LRRK1: variants seen among roughly 807,000 people sequenced by gnomAD.
LRRK1 encodes leucine rich repeat kinase 1.
LRRK1 carries 113 observed loss-of-function variants against 209.1 expected under a neutral mutation model. The ratio of observed to expected loss-of-function variants is 0.54; its 90% confidence interval spans 0.46 to 0.63. The LOEUF (loss-of-function observed/expected upper bound fraction) is 0.63. LRRK1 is among the 30% of genes least tolerant of loss of function. The pLI, the probability that LRRK1 is intolerant of heterozygous loss-of-function variation, is 0.00. For synonymous variants in LRRK1, 1,144 were observed against 1,099.7 expected, an observed-to-expected ratio of 1.04 and a Z score of -0.80; for missense variants, 2,284 against 2,632.2, an observed-to-expected ratio of 0.87 and a Z score of 2.89.
At chr15:100,995,627 T>C (rs2032370860) in intron 6 of LRRK1, among the ~76,000 whole-genome samples, 1 of 152,106 alleles carries the variant, frequency 6.6e-6, no homozygotes, top group Non-Finnish European at 1.5e-5. Context: ...CCATGAGAAA[T>C]AGCTTAATGC....
chr15:101,059,890 A>G, intron 29 of LRRK1, among the ~76,000 whole-genome samples: 1 of 152,168 alleles, frequency 6.6e-6, no homozygotes, highest in African/African-American at 2.4e-5. Flanking sequence ...AGAAGCAAGG[A>G]CATCGTCAGA....
Position 100,953,667 on chromosome 15 carries a change from A to C in LRRK1, c.98-20137A>C, listed in dbSNP as rs576412931. 4.6e-5 allele frequency among the ~76,000 whole-genome samples: 7 copies of C among 152,272 alleles called. No individual in the cohort carries two copies. The South Asian group carries it at 1.5e-3, about 32-fold the overall frequency. ...ATGGGGTTACAGATATCTCTTCGAG[A>C]TACTGATTTCCTTTCCTTTGGGTAA... On this transcript the variant is annotated intron_variant, in intron 2 of 33. Coordinates refer to ENST00000388948, the MANE Select transcript of LRRK1 (RefSeq NM_024652.6).
intron 12 of LRRK1, 37 bp downstream of exon 12, chr15:101,015,439 A>G: frequency 1.3e-6 from 2 of 1,527,238 alleles, no homozygotes; most frequent in Non-Finnish European, 1.8e-6. Context: ...CCCAGATGAG[A>G]CAGCCGGGGT....
chr15:101,003,487 G>A (rs986377422), intron 6 of LRRK1, among the ~76,000 whole-genome samples: 3 of 152,160 alleles, frequency 2.0e-5, no homozygotes, highest in African/African-American at 7.2e-5. Context: ...AAGAAAAAGA[G>A]GTTTAATGGA....
intron 23 of LRRK1, among the ~76,000 whole-genome samples, chr15:101,050,384 G>A (rs994588835): frequency 7.9e-5 from 12 of 152,178 alleles, no homozygotes; most frequent in African/African-American, 2.7e-4. Flanking sequence ...CTCCTGGGGT[G>A]GAGACGACTC....
chr15:101,028,549 TGA>T (rs1439932712), intron 19 of LRRK1, among the ~76,000 whole-genome samples: 2 of 152,234 alleles, frequency 1.3e-5, no homozygotes, highest in Non-Finnish European at 2.9e-5. Flanking sequence ...GCATGAGAGC[TGA>T]GAGAGTTGTC....
In LRRK1 at chr15:101,011,366, C is replaced by T. The variant is rs548988515; in HGVS notation, c.1281+529C>T. ...TGGCACGTGGCTGTAGTCCCAGCTA[C>T]GCAGGAGGCTGAGGCCAGGGAATTG... On this transcript the variant is annotated intron_variant, in intron 9 of 33. Coordinates refer to ENST00000388948, the MANE Select transcript of LRRK1 (RefSeq NM_024652.6). 1.9e-4 allele frequency among the ~76,000 whole-genome samples: 28 copies of T among 150,632 alleles called. 1 individual carries two copies. The highest frequency in any genetic ancestry group is 2.1e-4 in the South Asian group (1 of 4,776).
At chr15:100,997,276 C>T (rs75449782) in intron 6 of LRRK1, among the ~76,000 whole-genome samples, 2,718 of 152,176 alleles carry the variant, frequency 0.018, 96 homozygotes, top group African/African-American at 0.063. Context: ...GAAAATATTT[C>T]GGAAAAAATA....
intron 2 of LRRK1, among the ~76,000 whole-genome samples, chr15:100,941,454 GTCTA>G (rs2042429644): frequency 3.4e-5 from 3 of 88,066 alleles, no homozygotes; most frequent in African/African-American, 1.4e-4. Flanking sequence ...GTCTGTGTGT[GTCTA>G]TGTCTCTGTG....
intron 6 of LRRK1, among the ~76,000 whole-genome samples, chr15:101,004,634 T>C (rs920692243): frequency 1.3e-5 from 2 of 152,150 alleles, no homozygotes; most frequent in African/African-American, 4.8e-5. Flanking sequence ...GAGAGGTTAA[T>C]ACAAAGTGTC....
rs568154576 is a variant in LRRK1 at position 101,029,767 on chromosome 15, C to T, written c.2963+535C>T. 2.0e-4 allele frequency among the ~76,000 whole-genome samples: 30 copies of T among 152,248 alleles called. 1 individual carries two copies. In the East Asian group the frequency reaches 5.8e-3, roughly 29 times the overall value. ...CCTGTAATCCCAGCTACTTGGGAGACTGAAGCAGGAGAATTGCTTGAACCC... is the reference window on the plus strand; with the variant it reads ...CCTGTAATCCCAGCTACTTGGGAGATTGAAGCAGGAGAATTGCTTGAACCC... On this transcript the variant is annotated intron_variant, in intron 20 of 33. Coordinates refer to ENST00000388948, the MANE Select transcript of LRRK1 (RefSeq NM_024652.6).
At chr15:101,048,401 C>T in intron 21 of LRRK1, 93 bp from the exon 22 acceptor site, 1 of 1,150,068 alleles carries the variant, frequency 8.7e-7, no homozygotes, top group South Asian at 1.6e-5. Flanking sequence ...GGACATTTAT[C>T]AAGATGGGGC....
Position 101,078,049 on chromosome 15 carries a change from G to A in LRRK1, c.*9201G>A. ...TTACCTTGTGAAAGTCCTTTTCCTG[G>A]CTCATCCTGGCTCAAAAAGCACCCC... On this transcript the variant is annotated 3_prime_UTR_variant, in exon 34 of 34. Coordinates refer to ENST00000388948, the MANE Select transcript of LRRK1 (RefSeq NM_024652.6). The A allele has an allele frequency of 6.4e-6, 1 of 155,306 alleles. No homozygotes were observed. Among genetic ancestry groups the A allele is most frequent in the African/African-American group, 2.4e-5 (1 of 41,534 alleles). 9.6% of individuals were successfully genotyped at this position (155,306 alleles called of 1,614,324 possible).
At chr15:100,935,887 T>C (rs1264201937) in intron 2 of LRRK1, among the ~76,000 whole-genome samples, 1 of 152,152 alleles carries the variant, frequency 6.6e-6, no homozygotes, top group Admixed American at 6.5e-5. Flanking sequence ...CCACACACCT[T>C]CTCATCCACC....
In LRRK1 at chr15:101,029,042, A is replaced by G; in HGVS notation, c.2773A>G (p.Ile925Val). 3 of 1,614,058 alleles carry G rather than the reference A, an allele frequency of 1.9e-6. No homozygotes were observed. Among genetic ancestry groups the G allele is most frequent in the East Asian group, 2.2e-5 (1 of 44,874 alleles). Residue 925 changes from isoleucine to valine, a missense_variant, in exon 20 of 34, where the codon ATT (isoleucine) becomes GTT (valine). Ile to Val is a conservative substitution (Grantham distance 29). Around this residue, in one of 6 missense-constraint regions of LRRK1, gnomAD observed 780 missense variants for 985.2 expected, o/e 0.79. Coordinates refer to ENST00000388948, the MANE Select transcript of LRRK1 (RefSeq NM_024652.6). Reference sequence around the variant, plus strand: ...GAGGAACCTCTACTTCCTCGACCCTATTTGGCTCTCCGAATGTCTGCAGAG... The same window carrying G: ...GAGGAACCTCTACTTCCTCGACCCTGTTTGGCTCTCCGAATGTCTGCAGAG... ...GLRNLYFLDP[I>V]WLSECLQRIF...
intron 31 of LRRK1, 129 bp downstream of exon 31, chr15:101,062,819 T>TA: frequency 2.8e-6 from 2 of 718,026 alleles, no homozygotes; most frequent in South Asian, 3.2e-5. Context: ...GACGTAGACT[T>TA]AGAGACGGTG....
intron 6 of LRRK1, among the ~76,000 whole-genome samples, chr15:100,990,720 GTT>G (rs34973825): frequency 0.046 from 6,337 of 138,716 alleles, 439 homozygotes; most frequent in African/African-American, 0.16. Flanking sequence ...ACTTTGGAGG[GTT>G]TTTTTTTTTT....
intron 29 of LRRK1, among the ~76,000 whole-genome samples, chr15:101,058,619 G>GGGGA (rs1555479990): frequency 2.1e-5 from 3 of 141,788 alleles, no homozygotes; most frequent in East Asian, 2.0e-4. Context: ...AGGGGCAACG[G>GGGGA]GGGGGGGCGT....
At chr15:100,936,286 A>G (rs2042298416) in intron 2 of LRRK1, among the ~76,000 whole-genome samples, 1 of 151,994 alleles carries the variant, frequency 6.6e-6, no homozygotes, top group Non-Finnish European at 1.5e-5. Context: ...CTCTCCTTCA[A>G]CTCCAGGGGT....
Sources: allele counts gnomAD v4.1 joint callset (sites outside exome capture counted in the v4.1 genomes callset), GRCh38; gene constraint gnomAD v4.1.1; regional missense constraint gnomAD v4.1.1; transcripts MANE v1.5; gene names NCBI Gene and HGNC (gene_info 2026-07-23, HGNC 2026-07-21).